The following FLI1 variants were observed in gnomAD, a reference collection of about 807,000 sequenced individuals.
FLI1 encodes Fli-1 proto-oncogene, ETS transcription factor.
FLI1 carries 13 observed loss-of-function variants against 53.1 expected under a neutral mutation model. The ratio of observed to expected loss-of-function variants is 0.24; its 90% CI spans 0.16 to 0.39. The LOEUF (loss-of-function observed/expected upper bound fraction) is 0.39. Ranked by LOEUF, FLI1 falls within the 10% of genes least tolerant of loss-of-function variation. The pLI is 1.00. For synonymous variants in FLI1, 244 were observed against 236.7 expected, an observed-to-expected ratio of 1.03 and a Z score of -0.28; for missense variants, 424 against 600.5, an observed-to-expected ratio of 0.71 and a Z score of 3.07.
chr11:128,692,093 T>TTG (rs1937762971), upstream of FLI1: 1 of 152,052 alleles, frequency 6.6e-6, no homozygotes, highest in South Asian at 2.1e-4. Flanking sequence ...GAAAGCTCTG[T>TTG]TGTAGTTTGA....
intron 4 of FLI1, among the ~76,000 whole-genome samples, chr11:128,776,232 C>T (rs776117945): frequency 9.9e-5 from 15 of 152,172 alleles, no homozygotes; most frequent in Admixed American, 2.6e-4. Flanking sequence ...CACACCTGGG[C>T]GTGTCAGCTG....
At chr11:128,693,779 T>C (rs1283732233), upstream of FLI1, 1 of 233,406 alleles carries the variant, frequency 4.3e-6, no homozygotes, top group African/African-American at 2.2e-5. Context: ...CAGGAGCAAG[T>C]ATCCTGTGTG....
At chr11:128,773,747 C>T (rs887510876) in intron 4 of FLI1, among the ~76,000 whole-genome samples, 4 of 151,378 alleles carry the variant, frequency 2.6e-5, no homozygotes, top group African/African-American at 9.7e-5. Context: ...AGCCTGAGTG[C>T]CCTGCTGGGA....
chr11:128,761,157 C>T (rs1419389974), intron 2 of FLI1, among the ~76,000 whole-genome samples: 2 of 152,210 alleles, frequency 1.3e-5, no homozygotes. Context: ...AAGACTCTAG[C>T]TGCTGCTCCT....
intron 5 of FLI1, among the ~76,000 whole-genome samples, chr11:128,792,709 A>G (rs1942310204): frequency 6.6e-6 from 1 of 152,224 alleles, no homozygotes; most frequent in Non-Finnish European, 1.5e-5. Context: ...ATAATTATAC[A>G]CATATCCTTT....
chr11:128,742,127 A>G (rs976376618), intron 1 of FLI1, among the ~76,000 whole-genome samples: 10 of 151,734 alleles, frequency 6.6e-5, no homozygotes, highest in African/African-American at 2.2e-4. Context: ...GCAGCTACTC[A>G]CTTGTCCAGG....
chr11:128,780,240 G>A (rs190125099), intron 4 of FLI1, among the ~76,000 whole-genome samples: 2 of 152,202 alleles, frequency 1.3e-5, no homozygotes, highest in African/African-American at 2.4e-5. Flanking sequence ...TACCACCCCC[G>A]TCATCCCCCT....
intron 1 of FLI1, among the ~76,000 whole-genome samples, chr11:128,687,707 A>G (rs922294359): frequency 1.3e-5 from 2 of 152,094 alleles, no homozygotes; most frequent in African/African-American, 4.8e-5. Flanking sequence ...GTCCTGTCCA[A>G]GGATTGCCAA....
chr11:128,763,594 A>G (rs1236334730), intron 2 of FLI1, among the ~76,000 whole-genome samples: 1 of 152,224 alleles, frequency 6.6e-6, no homozygotes, highest in Non-Finnish European at 1.5e-5. Flanking sequence ...CCTGGCCCCC[A>G]GGGTCTGGAT....
At chr11:128,760,520 C>CTTTT (rs1179242159) in intron 2 of FLI1, among the ~76,000 whole-genome samples, 12 of 103,570 alleles carry the variant, frequency 1.2e-4, no homozygotes, top group Non-Finnish European at 2.0e-4. Context: ...GTGGAGATTC[C>CTTTT]TTTTTTTTTT....
intron 2 of FLI1, among the ~76,000 whole-genome samples, chr11:128,764,125 T>C (rs1941238264): frequency 6.6e-6 from 1 of 152,188 alleles, no homozygotes; most frequent in African/African-American, 2.4e-5. Flanking sequence ...ATACCCAAGT[T>C]CAGTTGCTCT....
At chr11:128,759,455 G>A (rs1211717613) in intron 2 of FLI1, among the ~76,000 whole-genome samples, 1 of 152,212 alleles carries the variant, frequency 6.6e-6, no homozygotes, top group Non-Finnish European at 1.5e-5. Flanking sequence ...GACAAGTGAA[G>A]AAGTTAGTAA....
chr11:128,755,976 T>C (rs544133133), intron 1 of FLI1, among the ~76,000 whole-genome samples: 5 of 152,318 alleles, frequency 3.3e-5, no homozygotes, highest in South Asian at 4.1e-4. Flanking sequence ...AGAATGGCCC[T>C]GGGAGACAAG....
chr11:128,730,702 G>T lies in FLI1; in HGVS notation c.19-27413G>T, dbSNP rs6590349. Among the ~76,000 whole-genome samples the T allele has an allele frequency of 7.2e-5, 11 of 152,258 alleles. No individual in the cohort carries two copies. In the East Asian group the frequency reaches 2.1e-3, roughly 29 times the overall value. On this transcript the variant is annotated intron_variant, in intron 1 of 8. Transcript: ENST00000527786. The stretch of plus-strand genomic sequence containing the variant: ...AAGGGCTGCGTGATGGATACACCAC[G>T]AAGGGGTGTATTTATTTATTTGCCA...
intron 1 of FLI1, among the ~76,000 whole-genome samples, chr11:128,737,796 A>G (rs1939968427): frequency 6.6e-6 from 1 of 152,192 alleles, no homozygotes; most frequent in African/African-American, 2.4e-5. Flanking sequence ...GTTCTTGTGG[A>G]AGGTTCACTT....
At chr11:128,749,103 G>C (rs550200244) in intron 1 of FLI1, among the ~76,000 whole-genome samples, 8 of 152,264 alleles carry the variant, frequency 5.3e-5, no homozygotes, top group Admixed American at 3.3e-4. Flanking sequence ...TGTGAACCTA[G>C]AAGGGTTATG....
chr11:128,778,798 A>C (rs1297110497), intron 4 of FLI1, among the ~76,000 whole-genome samples: 1 of 152,222 alleles, frequency 6.6e-6, no homozygotes. Flanking sequence ...AAAGAGCCTC[A>C]AGGCAGGAGA....
intron 1 of FLI1, among the ~76,000 whole-genome samples, chr11:128,718,960 G>C (rs189367304): frequency 4.9e-4 from 75 of 152,340 alleles, no homozygotes; most frequent in Non-Finnish European, 1.8e-4. Context: ...TAAGCACTAT[G>C]TTCAACATAA....
chr11:128,742,330 G>A (rs745415688), intron 1 of FLI1, among the ~76,000 whole-genome samples: 3 of 152,208 alleles, frequency 2.0e-5, no homozygotes, highest in Non-Finnish European at 2.9e-5. Flanking sequence ...GCACATAGAA[G>A]ATATCCAATA....
Sources: allele counts gnomAD v4.1 joint callset (sites outside exome capture counted in the v4.1 genomes callset), GRCh38; gene constraint gnomAD v4.1.1; transcripts MANE v1.5; gene names NCBI Gene and HGNC (gene_info 2026-07-23, HGNC 2026-07-21).